The following RAI1 variants were observed in gnomAD, a reference collection of about 807,000 sequenced individuals.
RAI1 encodes the protein retinoic acid-induced protein 1.
A neutral mutation model predicts 123.8 loss-of-function variants in RAI1; 9 were observed. That is an observed-to-expected ratio of 0.07 (90% CI 0.04 to 0.13). The LOEUF is 0.13. RAI1 is among the 10% of genes least tolerant of loss of function. RAI1 has a pLI of 1.00. For missense variants in RAI1, 2,256 were observed against 2,545.8 expected, an observed-to-expected ratio of 0.89 and a Z score of 2.45; for synonymous variants, 1,231 against 1,127.3, an observed-to-expected ratio of 1.09 and a Z score of -1.84.
intron 1 of RAI1, among the ~76,000 whole-genome samples, chr17:17,719,535 C>G (rs756566386): frequency 1.5e-4 from 23 of 152,186 alleles, no homozygotes; most frequent in Non-Finnish European, 2.2e-4. Flanking sequence ...AAAAACAGCC[C>G]CTGCAGATGC....
chr17:17,743,787 A>T (rs2142973706), intron 2 of RAI1, among the ~76,000 whole-genome samples: 1 of 152,336 alleles, frequency 6.6e-6, no homozygotes, highest in Non-Finnish European at 1.5e-5. Flanking sequence ...AATTGTTACT[A>T]GCCTCTTGGC....
intron 2 of RAI1, among the ~76,000 whole-genome samples, chr17:17,753,525 C>T (rs1447396213): frequency 6.6e-6 from 1 of 152,174 alleles, no homozygotes; most frequent in African/African-American, 2.4e-5. Flanking sequence ...CTCACCAACA[C>T]CAAAAGAAAA....
At chr17:17,724,818 C>T (rs931710333) in intron 2 of RAI1, among the ~76,000 whole-genome samples, 12 of 152,180 alleles carry the variant, frequency 7.9e-5, no homozygotes, top group Non-Finnish European at 1.6e-4. Flanking sequence ...CCCCGCCTTC[C>T]TCCCTTCCTC....
chr17:17,756,555 C>T (rs1482530403), intron 2 of RAI1, among the ~76,000 whole-genome samples: 1 of 152,160 alleles, frequency 6.6e-6, no homozygotes, highest in Non-Finnish European at 1.5e-5. Flanking sequence ...TTTCCACTGT[C>T]TTGTTCTTCA....
At chr17:17,781,533 G>A (rs1567900149) in intron 2 of RAI1, among the ~76,000 whole-genome samples, 1 of 152,176 alleles carries the variant, frequency 6.6e-6, no homozygotes, top group African/African-American at 2.4e-5. Flanking sequence ...GACTGGGGGC[G>A]GAGGGTAGTC....
At chr17:17,709,478 GT>G (rs1405235262) in intron 1 of RAI1, among the ~76,000 whole-genome samples, 1 of 152,150 alleles carries the variant, frequency 6.6e-6, no homozygotes, top group Admixed American at 6.5e-5. Flanking sequence ...TCCCTGCTGG[GT>G]TGACCACAGT....
chr17:17,700,538 C>A (rs1334098648), intron 1 of RAI1, among the ~76,000 whole-genome samples: 1 of 152,148 alleles, frequency 6.6e-6, no homozygotes, highest in Non-Finnish European at 1.5e-5. Context: ...TTAATTGCAC[C>A]TGCCCGGGCC....
chr17:17,791,453 C>G (rs2032009852), intron 2 of RAI1, among the ~76,000 whole-genome samples: 1 of 152,080 alleles, frequency 6.6e-6, no homozygotes, highest in South Asian at 2.1e-4. Context: ...CTGCGTGCCT[C>G]TCCCTCTCTG....
At chr17:17,770,974 C>T (rs905298896) in intron 2 of RAI1, among the ~76,000 whole-genome samples, 3 of 152,194 alleles carry the variant, frequency 2.0e-5, no homozygotes, top group East Asian at 3.9e-4. Context: ...ACTCACAGGC[C>T]GGGAGAATTC....
intron 1 of RAI1, among the ~76,000 whole-genome samples, chr17:17,692,208 G>A (rs1914863015): frequency 1.3e-5 from 2 of 152,236 alleles, no homozygotes; most frequent in African/African-American, 4.8e-5. Context: ...AGCCTGGGGA[G>A]CTGAACTTGA....
At chr17:17,763,526 C>T (rs1156305778) in intron 2 of RAI1, among the ~76,000 whole-genome samples, 2 of 152,222 alleles carry the variant, frequency 1.3e-5, no homozygotes, top group African/African-American at 4.8e-5. Flanking sequence ...AAAGACGGGG[C>T]CAGCCCACTC....
At chr17:17,750,449 C>T (rs754581084) in intron 2 of RAI1, among the ~76,000 whole-genome samples, 2 of 152,056 alleles carry the variant, frequency 1.3e-5, no homozygotes, top group Non-Finnish European at 2.9e-5. Flanking sequence ...GGGCCGGGCA[C>T]GGTGGCTCAT....
rs2032653945 is a variant in RAI1, at chr17:17,809,109, C to G, written c.5660-281C>G. The stretch of plus-strand genomic sequence containing the variant: ...CGGGAGGGAGGGAGGGACTGAGGGA[C>G]TGCCTCAAGTGAGGAGGGGCGGCAC... On this transcript the variant is annotated intron_variant, in intron 4 of 5. Coordinates refer to ENST00000353383, the MANE Select transcript of RAI1 (RefSeq NM_030665.4). This position sits in a 1 kb window ranked among gnomAD's most constrained non-coding sequence, Gnocchi z 4.9. 2 of 529,914 alleles carry G rather than the reference C, an allele frequency of 3.8e-6. No homozygotes were observed. Among genetic ancestry groups the G allele is most frequent in the Admixed American group, 3.1e-5 (1 of 32,020 alleles). 32.8% of individuals were successfully genotyped at this position (529,914 alleles called of 1,614,324 possible).
Position 17,809,888 on chromosome 17 carries a change from CG to C in RAI1, c.5710-76del. 1 of 1,532,740 alleles carries C rather than the reference CG, an allele frequency of 6.5e-7. No individual in the cohort carries two copies. The highest frequency in any genetic ancestry group is 8.8e-7 in the Non-Finnish European group (1 of 1,137,370). The allele number at this position is 1,532,740 out of a possible 1,614,324, so 94.9% of individuals were successfully genotyped here. ...GGGTCGCCTGGGTCTGGGGCTTAGG[CG>C]GGGGGCCCACACTGGGGGCGGGGCC... On this transcript the variant is annotated intron_variant, in intron 5 of 5. Coordinates refer to ENST00000353383, the MANE Select transcript of RAI1 (RefSeq NM_030665.4). The surrounding 1 kb of genome is among the most constrained non-coding windows in gnomAD (Gnocchi z 4.9).
chr17:17,797,370 C>G lies in RAI1; in HGVS notation c.4422C>G (p.Leu1474=). The G allele has an allele frequency of 3.1e-6, 5 of 1,612,680 alleles. No individual in the cohort carries two copies. The highest frequency in any genetic ancestry group is 4.2e-6 in the Non-Finnish European group (5 of 1,179,784). ...GGCCCTATCTTGGCCCGGCTCTGCTCCTGACTCCCCGAGACAGGGCCAGTG... is the reference window on the plus strand; with the variant it reads ...GGCCCTATCTTGGCCCGGCTCTGCTGCTGACTCCCCGAGACAGGGCCAGTG... ...EKRPYLGPAL[L]LTPRDRASGT... is the part of the protein sequence containing the mutation. The change falls in exon 3 of 6, where the codon CTC becomes CTG. Residue 1474 remains leucine (L), a synonymous_variant. Transcript: ENST00000353383.
chr17:17,745,446 T>G (rs1459047282), intron 2 of RAI1, among the ~76,000 whole-genome samples: 4 of 151,570 alleles, frequency 2.6e-5, no homozygotes, highest in African/African-American at 9.7e-5. Flanking sequence ...TTTGTTTTTG[T>G]TTTTTTTGAG....
chr17:17,681,744 C>T lies in RAI1; in HGVS notation c.-198C>T, dbSNP rs1336193703. ...CATGGCCACCCAGGCCTCCGGGCCG[C>T]GAAGTCGCAGCGCCAGACCCAAGGC... is the stretch of plus-strand genomic sequence containing the variant. On this transcript the variant is annotated 5_prime_UTR_variant, in exon 1 of 6. The change creates a premature stop within an existing upstream ORF in the 5' untranslated region. Coordinates refer to ENST00000353383, the MANE Select transcript of RAI1 (RefSeq NM_030665.4). The T allele has an allele frequency of 6.1e-6, 2 of 328,034 alleles. No homozygotes were observed. Among genetic ancestry groups the T allele is most frequent in the Admixed American group, 4.9e-5 (1 of 20,360 alleles). The allele number at this position is 328,034 out of a possible 1,614,324, so 20.3% of individuals were successfully genotyped here.
intron 1 of RAI1, among the ~76,000 whole-genome samples, chr17:17,723,541 T>A (rs1160843409): frequency 7.2e-6 from 1 of 139,768 alleles, no homozygotes; most frequent in Non-Finnish European, 1.5e-5. Context: ...ACTCTTACAC[T>A]CACACCCCCC....
intron 2 of RAI1, among the ~76,000 whole-genome samples, chr17:17,754,191 C>CTTTTTTTTTTTTT (rs1158475382): frequency 2.6e-5 from 2 of 75,720 alleles, no homozygotes. Flanking sequence ...CTAACCCAAT[C>CTTTTTTTTTTTTT]TTTTTTTTTT....
Sources: allele counts gnomAD v4.1 joint callset (sites outside exome capture counted in the v4.1 genomes callset), GRCh38; gene constraint gnomAD v4.1.1; non-coding constraint Gnocchi (gnomAD v3.1); transcripts MANE v1.5; gene names NCBI Gene and HGNC (gene_info 2026-07-23, HGNC 2026-07-21).